SUMF1: variants seen among roughly 807,000 people sequenced by gnomAD.
SUMF1 encodes formylglycine-generating enzyme.
A neutral mutation model predicts 47.6 loss-of-function variants in SUMF1; 48 were observed. The ratio of observed to expected loss-of-function variants is 1.01; its 90% CI spans 0.80 to 1.28. The LOEUF (loss-of-function observed/expected upper bound fraction) is 1.28, where lower values mean the gene tolerates loss of function less well. Ranked by LOEUF, SUMF1 falls within the 50% of genes most tolerant of loss-of-function variation. The pLI is 0.00. For synonymous variants in SUMF1, 230 were observed against 192.1 expected (o/e 1.20, Z -1.63); for missense variants, 571 against 485.4 (o/e 1.18, Z -1.66).
At chr3:4,203,962 AT>A (rs143846860) in intron 8 of SUMF1, among the ~76,000 whole-genome samples, 26,094 of 151,864 alleles carry the variant, frequency 0.17, 2,532 homozygotes, top group South Asian at 0.3. Context: ...TGTAGTTATT[AT>A]TTTTGATAAG....
intron 9 of SUMF1, among the ~76,000 whole-genome samples, chr3:4,051,398 A>G (rs1695108565): frequency 6.6e-6 from 1 of 152,282 alleles, no homozygotes; most frequent in Non-Finnish European, 1.5e-5. Context: ...GGTTTTGTCC[A>G]GTGATGCACA....
chr3:4,267,419 T>C (rs1697218374), intron 8 of SUMF1, among the ~76,000 whole-genome samples: 1 of 152,180 alleles, frequency 6.6e-6, no homozygotes, highest in African/African-American at 2.4e-5. Flanking sequence ...TATTGGTCTA[T>C]TCAGAGATTC....
chr3:4,067,874 G>A (rs1186365906), intron 9 of SUMF1, among the ~76,000 whole-genome samples: 1 of 152,190 alleles, frequency 6.6e-6, no homozygotes, highest in Admixed American at 6.6e-5. Context: ...ACAAGGTAGA[G>A]AGGATAAAGA....
intron 8 of SUMF1, among the ~76,000 whole-genome samples, chr3:4,232,467 T>C (rs1696321643): frequency 6.6e-6 from 1 of 152,100 alleles, no homozygotes; most frequent in South Asian, 2.1e-4. Context: ...CTCTGTGCTC[T>C]TCAGATTCCA....
intron 8 of SUMF1, among the ~76,000 whole-genome samples, chr3:4,077,040 C>T (rs1033709371): frequency 1.3e-5 from 2 of 151,982 alleles, no homozygotes; most frequent in East Asian, 1.9e-4. Flanking sequence ...ATGCAGCCAA[C>T]AGACATATGA....
intron 8 of SUMF1, among the ~76,000 whole-genome samples, chr3:4,149,210 A>C (rs2125103599): frequency 6.6e-6 from 1 of 152,254 alleles, no homozygotes; most frequent in South Asian, 2.1e-4. Context: ...GGGACTCATA[A>C]ACTACTTCAT....
intron 8 of SUMF1, among the ~76,000 whole-genome samples, chr3:4,373,619 T>C (rs954371392): frequency 6.6e-6 from 1 of 151,944 alleles, no homozygotes; most frequent in Non-Finnish European, 1.5e-5. Flanking sequence ...CAAGGAATCC[T>C]ATCAAACATT....
At chr3:4,303,881 G>C (rs1394488588) in intron 8 of SUMF1, 1 of 1,275,070 alleles carries the variant, frequency 7.8e-7, no homozygotes, top group South Asian at 1.3e-5. Context: ...AGGATAAGCC[G>C]TGGGGCCTAT....
In SUMF1 at chr3:4,046,766, C is replaced by G. The variant is rs141446561; in HGVS notation, c.1191+21803G>C. 1.3e-3 allele frequency among the ~76,000 whole-genome samples: 193 copies of G among 152,288 alleles called. 2 individuals carry two copies. The Middle Eastern group carries it at 0.041, about 32-fold the overall frequency. On this transcript the variant is annotated intron_variant and NMD_transcript_variant, in intron 9 of 12. Transcript: ENST00000448413. The stretch of plus-strand genomic sequence containing the variant: ...TAAAATCCTACCTGGAATTTAAACT[C>G]TTAACTGTCTCTCTGTTTCTATTCT...
At chr3:4,345,334 T>C (rs1165310243) in intron 8 of SUMF1, among the ~76,000 whole-genome samples, 1 of 152,202 alleles carries the variant, frequency 6.6e-6, no homozygotes, top group African/African-American at 2.4e-5. Context: ...ACAGCGGATC[T>C]CTTGGCAGAA....
intron 8 of SUMF1, among the ~76,000 whole-genome samples, chr3:4,252,143 C>T (rs969584898): frequency 6.6e-6 from 1 of 152,104 alleles, no homozygotes; most frequent in Non-Finnish European, 1.5e-5. Flanking sequence ...TAACACTGCA[C>T]AAATCAGCAA....
intron 8 of SUMF1, chr3:4,303,956 C>T: frequency 5.3e-6 from 5 of 948,024 alleles, no homozygotes; most frequent in Non-Finnish European, 6.9e-6. Context: ...CTGTGGTCTC[C>T]CTCACGCTGT....
chr3:4,404,442 TC>T (rs1189903738), intron 7 of SUMF1, among the ~76,000 whole-genome samples: 1 of 152,230 alleles, frequency 6.6e-6, no homozygotes, highest in Non-Finnish European at 1.5e-5. Flanking sequence ...TTTATTCATG[TC>T]CTCAGAATGT....
intron 8 of SUMF1, among the ~76,000 whole-genome samples, chr3:4,237,988 T>A (rs762607976): frequency 2.0e-5 from 3 of 151,964 alleles, no homozygotes; most frequent in Non-Finnish European, 2.9e-5. Flanking sequence ...TTTCCATGTG[T>A]TCTCATTGTT....
intron 8 of SUMF1, among the ~76,000 whole-genome samples, chr3:4,172,822 CTGA>C (rs1331041223): frequency 2.6e-5 from 4 of 152,254 alleles, no homozygotes; most frequent in African/African-American, 9.6e-5. Context: ...CCTGTTCACT[CTGA>C]TGATGTTTCT....
intron 8 of SUMF1, among the ~76,000 whole-genome samples, chr3:4,240,244 T>C (rs1247433779): frequency 1.3e-5 from 2 of 152,104 alleles, no homozygotes; most frequent in Non-Finnish European, 2.9e-5. Context: ...TTTTGTTGTG[T>C]CTCTGCCAGG....
intron 3 of SUMF1, among the ~76,000 whole-genome samples, chr3:4,448,359 G>GA (rs1440980815): frequency 6.6e-6 from 1 of 152,130 alleles, no homozygotes; most frequent in Non-Finnish European, 1.5e-5. Context: ...GCGCAGACAG[G>GA]AGCTAAAAGG....
chr3:4,284,034 T>C (rs1227632229), intron 8 of SUMF1, among the ~76,000 whole-genome samples: 2 of 152,088 alleles, frequency 1.3e-5, no homozygotes, highest in East Asian at 3.9e-4. Flanking sequence ...TTTCAACATA[T>C]GAATTTTGGG....
At chr3:4,264,401 C>A (rs1338354258) in intron 8 of SUMF1, among the ~76,000 whole-genome samples, 1 of 152,164 alleles carries the variant, frequency 6.6e-6, no homozygotes, top group Non-Finnish European at 1.5e-5. Flanking sequence ...GTCCCAGTTC[C>A]TTTCTCACCG....
Sources: allele counts gnomAD v4.1 joint callset (sites outside exome capture counted in the v4.1 genomes callset), GRCh38; gene constraint gnomAD v4.1.1; transcripts MANE v1.5; gene names NCBI Gene and HGNC (gene_info 2026-07-23, HGNC 2026-07-21).